The following PITPNC1 variants were observed in gnomAD, a reference collection of about 807,000 sequenced individuals.
PITPNC1 encodes phosphatidylinositol transfer protein cytoplasmic 1, also known as cytoplasmic phosphatidylinositol transfer protein 1.
PITPNC1 carries 18 observed loss-of-function variants against 44.7 expected under a neutral mutation model. That is an observed-to-expected ratio of 0.40 (90% CI 0.28 to 0.60). The LOEUF (loss-of-function observed/expected upper bound fraction) is 0.60, where lower values mean the gene tolerates loss of function less well. Ranked by LOEUF, PITPNC1 falls within the 20% of genes least tolerant of loss-of-function variation. The pLI, the probability that PITPNC1 is intolerant of heterozygous loss-of-function variation, is 0.39. For missense variants in PITPNC1, 290 were observed against 418.4 expected, an observed-to-expected ratio of 0.69 and a Z score of 2.68; for synonymous variants, 141 against 149.6, an observed-to-expected ratio of 0.94 and a Z score of 0.42.
chr17:67,442,700 T>C (rs1439760086), intron 1 of PITPNC1, among the ~76,000 whole-genome samples: 1 of 151,138 alleles, frequency 6.6e-6, no homozygotes, highest in Non-Finnish European at 1.5e-5. Context: ...AAAATATATA[T>C]ATATATTAGC....
chr17:67,471,983 G>C (rs1012317021), intron 1 of PITPNC1, among the ~76,000 whole-genome samples: 1 of 151,854 alleles, frequency 6.6e-6, no homozygotes, highest in Non-Finnish European at 1.5e-5. Context: ...GAAGTGGGCT[G>C]GTCAAGTATT....
intron 1 of PITPNC1, among the ~76,000 whole-genome samples, chr17:67,454,079 C>T (rs1395584389): frequency 2.0e-5 from 3 of 152,114 alleles, no homozygotes; most frequent in Middle Eastern, 3.4e-3. Context: ...GGTGAAACCC[C>T]GTCTCTACTA....
chr17:67,539,278 A>C (rs1329142424), intron 2 of PITPNC1, among the ~76,000 whole-genome samples: 1 of 152,248 alleles, frequency 6.6e-6, no homozygotes, highest in African/African-American at 2.4e-5. Context: ...AGTTGAAAAC[A>C]TATATACATT....
chr17:67,444,758 G>T lies in PITPNC1; in HGVS notation c.48+66556G>T, dbSNP rs992630318. Among the ~76,000 whole-genome samples the T allele has an allele frequency of 4.6e-5, 7 of 152,082 alleles. 1 individual carries two copies. In the South Asian group the frequency reaches 1.5e-3, roughly 32 times the overall value. ...CTAAAAATACAAAAATTAGCCGAGCGTGGTGGCATGTGCCTGTAATCCCAG... is the reference window on the plus strand; with the variant it reads ...CTAAAAATACAAAAATTAGCCGAGCTTGGTGGCATGTGCCTGTAATCCCAG... On this transcript the variant is annotated intron_variant, in intron 1 of 8. Coordinates refer to ENST00000581322, the MANE Select transcript of PITPNC1 (RefSeq NM_012417.4).
intron 1 of PITPNC1, among the ~76,000 whole-genome samples, chr17:67,428,775 T>C (rs2038810590): frequency 6.6e-6 from 1 of 151,654 alleles, no homozygotes; most frequent in Non-Finnish European, 1.5e-5. Context: ...CCATATAAAC[T>C]AGCATTTATG....
chr17:67,524,548 A>C (rs2040370594), intron 1 of PITPNC1: 3 of 152,112 alleles, frequency 2.0e-5, no homozygotes, highest in Admixed American at 6.6e-5. Flanking sequence ...AATCAACATA[A>C]AAATTATTAA....
chr17:67,429,793 G>C (rs1178891084), intron 1 of PITPNC1, among the ~76,000 whole-genome samples: 1 of 151,546 alleles, frequency 6.6e-6, no homozygotes, highest in East Asian at 1.9e-4. Flanking sequence ...TTTATGATTT[G>C]AGAGAATTTT....
intron 4 of PITPNC1, among the ~76,000 whole-genome samples, chr17:67,563,268 C>T (rs2040928854): frequency 6.6e-6 from 1 of 152,190 alleles, no homozygotes; most frequent in African/African-American, 2.4e-5. Flanking sequence ...GAGAGAAAGT[C>T]AAGTCTGTAT....
intron 2 of PITPNC1, among the ~76,000 whole-genome samples, chr17:67,537,072 A>G (rs2040540460): frequency 6.6e-6 from 1 of 152,242 alleles, no homozygotes; most frequent in South Asian, 2.1e-4. Context: ...AAAATACCTC[A>G]GAGAAAAATG....
rs943881598 is a variant in PITPNC1, at chr17:67,661,190, A to C, written c.463-8318A>C. Among the ~76,000 whole-genome samples the C allele has an allele frequency of 2.6e-5, 4 of 152,006 alleles. No homozygotes were observed. The South Asian group carries it at 8.3e-4, about 32-fold the overall frequency. On this transcript the variant is annotated intron_variant, in intron 6 of 8. Coordinates refer to ENST00000581322, the MANE Select transcript of PITPNC1 (RefSeq NM_012417.4). ...TAGCATAGTCTTTCCAGGCCTATGC[A>C]TATGATTTCGGTGGTGGTTTCCGGG...
chr17:67,536,765 A>G (rs1352963373), intron 2 of PITPNC1, among the ~76,000 whole-genome samples: 1 of 152,216 alleles, frequency 6.6e-6, no homozygotes, highest in African/African-American at 2.4e-5. Context: ...AGAGATGGCC[A>G]TGTGGACCTA....
chr17:67,649,633 C>G (rs1000477690), intron 6 of PITPNC1, among the ~76,000 whole-genome samples: 1 of 152,128 alleles, frequency 6.6e-6, no homozygotes, highest in Non-Finnish European at 1.5e-5. Flanking sequence ...TCCTACAATC[C>G]CAGCACTTTG....
intron 1 of PITPNC1, among the ~76,000 whole-genome samples, chr17:67,383,908 A>C (rs2038002673): frequency 6.6e-6 from 1 of 152,128 alleles, no homozygotes. Flanking sequence ...GTGGTGGCGC[A>C]TGCCTGTAAT....
At chr17:67,489,841 T>C (rs990633312) in intron 1 of PITPNC1, among the ~76,000 whole-genome samples, 2 of 152,144 alleles carry the variant, frequency 1.3e-5, no homozygotes, top group Non-Finnish European at 2.9e-5. Context: ...CCTGCCAGGT[T>C]CTAGCAATCC....
intron 1 of PITPNC1, among the ~76,000 whole-genome samples, chr17:67,450,909 C>G (rs906702835): frequency 1.3e-5 from 2 of 152,178 alleles, no homozygotes; most frequent in African/African-American, 4.8e-5. Flanking sequence ...TGTTCTGCCT[C>G]TATGAATTGG....
intron 6 of PITPNC1, among the ~76,000 whole-genome samples, chr17:67,639,750 G>A (rs1160135671): frequency 6.6e-6 from 1 of 152,090 alleles, no homozygotes; most frequent in East Asian, 1.9e-4. Context: ...CTCTGTTAAG[G>A]GAGAGAGAAC....
At chr17:67,618,773 C>T (rs1223974120) in intron 5 of PITPNC1, among the ~76,000 whole-genome samples, 3 of 149,786 alleles carry the variant, frequency 2.0e-5, no homozygotes, top group African/African-American at 7.4e-5. Flanking sequence ...AAAATAAAAA[C>T]ACTGGCCGGG....
intron 4 of PITPNC1, among the ~76,000 whole-genome samples, chr17:67,563,703 C>T (rs1276830640): frequency 3.3e-5 from 5 of 152,222 alleles, no homozygotes; most frequent in Admixed American, 6.5e-5. Flanking sequence ...TATCTCTCAG[C>T]TCCTGCCCTA....
intron 1 of PITPNC1, among the ~76,000 whole-genome samples, chr17:67,521,126 GCAACAGCA>G (rs1417111003): frequency 1.5e-5 from 1 of 68,462 alleles, no homozygotes; most frequent in Non-Finnish European, 2.7e-5. Flanking sequence ...CAGTTTTGCA[GCAACAGCA>G]GGATAGAGGT....
Sources: gnomAD v4.1 joint callset for allele counts (sites outside exome capture counted in the v4.1 genomes callset) on GRCh38, gnomAD v4.1.1 for gene constraint, MANE v1.5 for transcripts, NCBI Gene and HGNC (gene_info 2026-07-23, HGNC 2026-07-21) for gene names.